The following ANTXR1 variants were observed in gnomAD, a reference collection of about 807,000 sequenced individuals.
The protein encoded by ANTXR1 is anthrax toxin receptor 1.
In ANTXR1, 19 loss-of-function variants were observed where a neutral mutation model predicts 78.1. The ratio of observed to expected loss-of-function variants is 0.24; its 90% CI spans 0.17 to 0.36. The LOEUF (loss-of-function observed/expected upper bound fraction) is 0.36, where lower values mean the gene tolerates loss of function less well. Ranked by LOEUF, ANTXR1 falls within the 10% of genes least tolerant of loss-of-function variation. The probability of loss-of-function intolerance (pLI) is 1.00; values close to 1 mark genes in which losing one functional copy is unlikely to be tolerated. For synonymous variants in ANTXR1, 273 were observed against 260.5 expected (o/e 1.05, Z -0.46); for missense variants, 518 against 718.6 (o/e 0.72, Z 3.19).
chr2:69,242,250 C>T (rs1017224017), intron 17 of ANTXR1, among the ~76,000 whole-genome samples: 1 of 152,156 alleles, frequency 6.6e-6, no homozygotes, highest in Non-Finnish European at 1.5e-5. Context: ...GAAGTGCTGA[C>T]CTCAGGTCTT....
chr2:69,103,420 C>T (rs952604849), intron 10 of ANTXR1: 6 of 196,262 alleles, frequency 3.1e-5, no homozygotes, highest in South Asian at 2.0e-4. Flanking sequence ...TTGAATAAAC[C>T]GAAAACCAAA....
At chr2:69,181,642 C>A in intron 14 of ANTXR1, 144 bp from the exon 15 acceptor site, 1 of 825,610 alleles carries the variant, frequency 1.2e-6, no homozygotes, top group Non-Finnish European at 2.1e-6. Context: ...AGTGATTGGC[C>A]CAAGGTTCTA....
chr2:69,162,069 CA>C (rs1347602171), intron 13 of ANTXR1, among the ~76,000 whole-genome samples: 3 of 152,038 alleles, frequency 2.0e-5, no homozygotes, highest in Non-Finnish European at 4.4e-5. Context: ...GCAGACTCCA[CA>C]GCAAAAGAAA....
chr2:69,221,526 C>T (rs1230627608), intron 17 of ANTXR1, among the ~76,000 whole-genome samples: 1 of 152,124 alleles, frequency 6.6e-6, no homozygotes, highest in African/African-American at 2.4e-5. Context: ...TAGGAGGCTA[C>T]TGTAATGTCA....
At chr2:69,195,631 C>T (rs1674652060) in intron 17 of ANTXR1, among the ~76,000 whole-genome samples, 1 of 152,148 alleles carries the variant, frequency 6.6e-6, no homozygotes, top group Non-Finnish European at 1.5e-5. Flanking sequence ...TAAATACAAA[C>T]TCTACAGTTA....
At chr2:69,145,563 C>T in intron 12 of ANTXR1, 2 of 1,395,694 alleles carry the variant, frequency 1.4e-6, no homozygotes, top group South Asian at 1.8e-5. Context: ...ACGTTCCCTC[C>T]TTAACCAACA....
intron 10 of ANTXR1, among the ~76,000 whole-genome samples, chr2:69,105,195 A>G (rs549726456): frequency 6.6e-6 from 1 of 152,310 alleles, no homozygotes; most frequent in African/African-American, 2.4e-5. Flanking sequence ...TTCTTGGGAA[A>G]CCAGTCCATC....
chr2:69,168,189 G>GTA (rs1279495696), intron 13 of ANTXR1, among the ~76,000 whole-genome samples: 1 of 152,180 alleles, frequency 6.6e-6, no homozygotes, highest in Non-Finnish European at 1.5e-5. Flanking sequence ...TGCAGGGGGG[G>GTA]TATGAAAGAT....
intron 10 of ANTXR1, among the ~76,000 whole-genome samples, chr2:69,120,421 T>C (rs1672307496): frequency 6.6e-6 from 1 of 152,172 alleles, no homozygotes; most frequent in African/African-American, 2.4e-5. Flanking sequence ...ATCCCAGCAC[T>C]TTGGGAGGCC....
chr2:69,182,745 A>T, intron 16 of ANTXR1, 85 bp downstream of exon 16: 1 of 1,577,234 alleles, frequency 6.3e-7, no homozygotes, highest in Non-Finnish European at 8.7e-7. Flanking sequence ...CACATGATAA[A>T]ATCCCAACCT....
chr2:69,172,282 T>C (rs1308709995), intron 14 of ANTXR1: 2 of 1,156,616 alleles, frequency 1.7e-6, no homozygotes, highest in East Asian at 4.7e-5. Context: ...CATCAGGCGC[T>C]TTTTGGCATG....
At chr2:69,064,575 G>A (rs1670338486) in intron 3 of ANTXR1, among the ~76,000 whole-genome samples, 1 of 152,122 alleles carries the variant, frequency 6.6e-6, no homozygotes, top group Admixed American at 6.5e-5. Flanking sequence ...TAGTATAACA[G>A]TCCACCACAT....
intron 17 of ANTXR1, among the ~76,000 whole-genome samples, chr2:69,236,212 T>G (rs557495231): frequency 6.6e-6 from 1 of 151,966 alleles, no homozygotes; most frequent in Non-Finnish European, 1.5e-5. Context: ...GTAAAAAAGA[T>G]CAATAAAAAA....
chr2:69,133,229 C>T (rs1672809536), intron 12 of ANTXR1, among the ~76,000 whole-genome samples: 1 of 152,178 alleles, frequency 6.6e-6, no homozygotes, highest in Non-Finnish European at 1.5e-5. Flanking sequence ...ACAAGGATCT[C>T]CCCAAACTGT....
chr2:69,083,276 G>T (rs1670950381), intron 8 of ANTXR1, among the ~76,000 whole-genome samples: 1 of 152,164 alleles, frequency 6.6e-6, no homozygotes, highest in Non-Finnish European at 1.5e-5. Context: ...CTGCCTTATT[G>T]AACTAATCCC....
chr2:69,124,199 C>G (rs765441501), intron 11 of ANTXR1, among the ~76,000 whole-genome samples: 3 of 152,208 alleles, frequency 2.0e-5, no homozygotes, highest in African/African-American at 4.8e-5. Flanking sequence ...CAGTCTACCC[C>G]CATTGACTTG....
At chr2:69,217,218 C>T (rs760072697) in intron 17 of ANTXR1, among the ~76,000 whole-genome samples, 56 of 152,210 alleles carry the variant, frequency 3.7e-4, no homozygotes, top group Non-Finnish European at 1.2e-4. Context: ...ATGCATCTCA[C>T]CAGTCAGCAG....
At chr2:69,230,499 A>G (rs538485416) in intron 17 of ANTXR1, among the ~76,000 whole-genome samples, 1 of 152,198 alleles carries the variant, frequency 6.6e-6, no homozygotes, top group South Asian at 2.1e-4. Flanking sequence ...CCCTATTTTG[A>G]TGGCACGGCT....
At chr2:69,217,102 C>T (rs1675197651) in intron 17 of ANTXR1, among the ~76,000 whole-genome samples, 1 of 152,304 alleles carries the variant, frequency 6.6e-6, no homozygotes, top group East Asian at 1.9e-4. Flanking sequence ...TGGCACAATT[C>T]GCTTTCGGCA....
Sources: gnomAD v4.1 joint callset for allele counts (sites outside exome capture counted in the v4.1 genomes callset) on GRCh38, gnomAD v4.1.1 for gene constraint, MANE v1.5 for transcripts, NCBI Gene and HGNC (gene_info 2026-07-23, HGNC 2026-07-21) for gene names.